The following NOVA2 variants were observed in gnomAD, a reference collection of about 807,000 sequenced individuals.
NOVA2 encodes the protein NOVA alternative splicing regulator 2.
NOVA2 carries 9 observed loss-of-function variants against 22.5 expected under a neutral mutation model. The ratio of observed to expected loss-of-function variants is 0.40; its 90% CI spans 0.24 to 0.70. NOVA2 has a LOEUF of 0.70. NOVA2 is among the 30% of genes least tolerant of loss of function. The pLI is 0.38. For missense variants in NOVA2, 383 were observed against 682.8 expected (o/e 0.56, Z 4.89); for synonymous variants, 318 against 335.2 (o/e 0.95, Z 0.56).
chr19:45,970,839 T>G (rs1051864984), intron 1 of NOVA2, among the ~76,000 whole-genome samples: 1 of 151,976 alleles, frequency 6.6e-6, no homozygotes, highest in African/African-American at 2.4e-5. Flanking sequence ...TGCCCCTGAG[T>G]GTGTTTCTGT....
At chr19:45,953,976 T>C in intron 2 of NOVA2, 30 bp from the exon 3 acceptor site, 1 of 1,610,918 alleles carries the variant, frequency 6.2e-7, no homozygotes, top group Non-Finnish European at 8.5e-7. Flanking sequence ...GAGGGCACAC[T>C]CATGAGACAG....
At chr19:45,963,093 G>A (rs557600114) in intron 1 of NOVA2, among the ~76,000 whole-genome samples, 3 of 152,156 alleles carry the variant, frequency 2.0e-5, no homozygotes, top group Non-Finnish European at 4.4e-5. Flanking sequence ...GACCCTTTGC[G>A]GCCGGGAGCG....
chr19:45,970,584 C>T (rs1417455081), intron 1 of NOVA2, among the ~76,000 whole-genome samples: 1 of 151,994 alleles, frequency 6.6e-6, no homozygotes, highest in Admixed American at 6.6e-5. Flanking sequence ...CCATGTTGGC[C>T]AAGCTGTTCT....
chr19:45,954,056 C>G, intron 2 of NOVA2, 110 bp from the exon 3 acceptor site: 1 of 1,218,938 alleles, frequency 8.2e-7, no homozygotes, highest in Non-Finnish European at 1.2e-6. Context: ...GAGAGTGGAC[C>G]TGACTGATCA....
intron 1 of NOVA2, among the ~76,000 whole-genome samples, chr19:45,972,629 T>C (rs1394122344): frequency 6.6e-6 from 1 of 152,072 alleles, no homozygotes; most frequent in Non-Finnish European, 1.5e-5. Context: ...GTCATATTCC[T>C]GATCCCTAAT....
intron 1 of NOVA2, among the ~76,000 whole-genome samples, chr19:45,972,329 A>C (rs1209280768): frequency 6.6e-6 from 1 of 151,598 alleles, no homozygotes; most frequent in Non-Finnish European, 1.5e-5. Context: ...AGTCACACCC[A>C]CACCCTTTTC....
chr19:45,958,144 G>T (rs1254171250), intron 2 of NOVA2, among the ~76,000 whole-genome samples: 1 of 151,634 alleles, frequency 6.6e-6, no homozygotes, highest in Non-Finnish European at 1.5e-5. Flanking sequence ...GAATCCTCAG[G>T]GTGGATCTGG....
rs989857489 is a variant in NOVA2, at chr19:45,940,112, C to T, written c.1230G>A (p.Glu410=). The change falls in exon 4 of 4, where the codon GAG becomes GAA. Residue 410 remains glutamate, a synonymous_variant. Coordinates refer to ENST00000263257, the MANE Select transcript of NOVA2 (RefSeq NM_002516.4). ...CCACCAGGTTCTCAGGCACCGCAAT[C>T]TCCACCAGCTCCTTGGCACTCTCAG... The part of the protein sequence containing the change: ...LAAESAKELV[E]IAVPENLVGA... 3.7e-6 allele frequency: 6 copies of T among 1,613,094 alleles called. No homozygotes were observed. Among genetic ancestry groups the T allele is most frequent in the Non-Finnish European group, 5.1e-6 (6 of 1,179,882 alleles).
chr19:45,971,142 CA>C (rs2146430669), intron 1 of NOVA2, among the ~76,000 whole-genome samples: 1 of 152,252 alleles, frequency 6.6e-6, no homozygotes, highest in African/African-American at 2.4e-5. Flanking sequence ...TCATGTCTCC[CA>C]GGGGTTGTAC....
chr19:45,952,932 T>C (rs1038750010), intron 3 of NOVA2, among the ~76,000 whole-genome samples: 1 of 152,252 alleles, frequency 6.6e-6, no homozygotes, highest in Admixed American at 6.5e-5. Flanking sequence ...CCCTCTCTCC[T>C]GTCTTTGCCT....
At chr19:45,956,877 A>G (rs1405981525) in intron 2 of NOVA2, among the ~76,000 whole-genome samples, 1 of 152,216 alleles carries the variant, frequency 6.6e-6, no homozygotes, top group Non-Finnish European at 1.5e-5. Flanking sequence ...AAGTTCTCTT[A>G]GATGGTAGTG....
In NOVA2 at chr19:45,940,565, A is replaced by G. The variant is rs1967738191; in HGVS notation, c.777T>C (p.Ala259=). ...ASGLLGPAGL[A]GVGAFPAALP... is the part of the protein sequence containing the mutation. ...GCGCGGCGGGAAAGGCCCCCACGCC[A>G]GCCAGCCCGGCGGGGCCCAGCAGGC... The change falls in exon 4 of 4, where the codon GCT becomes GCC. Residue 259 remains alanine (A), a synonymous_variant. Transcript: ENST00000263257. 4.1e-6 allele frequency: 6 copies of G among 1,459,488 alleles called. No individual in the cohort carries two copies. The highest frequency in any genetic ancestry group is 5.4e-6 in the Non-Finnish European group (6 of 1,107,542). 90.4% of individuals were successfully genotyped at this position (1,459,488 alleles called of 1,614,324 possible).
At chr19:45,944,609 G>A (rs549180510) in intron 3 of NOVA2, among the ~76,000 whole-genome samples, 37 of 152,282 alleles carry the variant, frequency 2.4e-4, no homozygotes, top group Middle Eastern at 6.8e-3. Context: ...TTGGCAATAC[G>A]TTGAATGAAC....
chr19:45,970,269 A>G (rs1251193523), intron 1 of NOVA2, among the ~76,000 whole-genome samples: 8 of 152,122 alleles, frequency 5.3e-5, no homozygotes, highest in Non-Finnish European at 1.0e-4. Flanking sequence ...ATTATAACTG[A>G]TTATTATTAT....
intron 3 of NOVA2, among the ~76,000 whole-genome samples, chr19:45,953,007 T>C (rs906003214): frequency 3.3e-5 from 5 of 152,230 alleles, no homozygotes; most frequent in African/African-American, 4.8e-5. Context: ...CTCGCCCCAT[T>C]GCACGGAGTA....
intron 3 of NOVA2, among the ~76,000 whole-genome samples, chr19:45,952,121 T>C (rs1967935345): frequency 6.6e-6 from 1 of 152,176 alleles, no homozygotes; most frequent in African/African-American, 2.4e-5. Context: ...TGAGTAACAC[T>C]GCAAGTCCAA....
chr19:45,970,226 C>G (rs1968215895), intron 1 of NOVA2, among the ~76,000 whole-genome samples: 1 of 152,132 alleles, frequency 6.6e-6, no homozygotes, highest in Non-Finnish European at 1.5e-5. Context: ...ATGATAGTTC[C>G]TGGCATACTG....
chr19:45,949,613 G>A (rs117916104), intron 3 of NOVA2, among the ~76,000 whole-genome samples: 9 of 152,102 alleles, frequency 5.9e-5, no homozygotes, highest in Admixed American at 5.9e-4. Context: ...TGTAAAATGG[G>A]CATACTATTC....
intron 3 of NOVA2, among the ~76,000 whole-genome samples, chr19:45,941,880 A>G (rs1967764664): frequency 6.6e-6 from 1 of 152,168 alleles, no homozygotes; most frequent in African/African-American, 2.4e-5. Flanking sequence ...CCAGCATCTA[A>G]AAGCTTAATG....
Sources: allele counts gnomAD v4.1 joint callset (sites outside exome capture counted in the v4.1 genomes callset), GRCh38; gene constraint gnomAD v4.1.1; transcripts MANE v1.5; gene names NCBI Gene and HGNC (gene_info 2026-07-23, HGNC 2026-07-21).